EHMT1: variants seen among roughly 807,000 people sequenced by gnomAD.
The protein encoded by EHMT1 is histone-lysine N-methyltransferase EHMT1.
EHMT1 carries 15 observed loss-of-function variants against 147.2 expected under a neutral mutation model. That is an observed-to-expected ratio of 0.10 (90% CI 0.07 to 0.16). The LOEUF is 0.16. Ranked by LOEUF, EHMT1 falls within the 10% of genes least tolerant of loss-of-function variation. EHMT1 has a pLI of 1.00. For synonymous variants in EHMT1, 795 were observed against 709.6 expected (o/e 1.12, Z -1.91); for missense variants, 1,587 against 1,772.4 (o/e 0.90, Z 1.88).
rs1243553011 is a variant in EHMT1, at chr9:137,798,854, A to G, written c.2547A>G (p.Lys849=). The G allele has an allele frequency of 6.2e-7, 1 of 1,614,208 alleles. No homozygotes were observed. ...GSTCLHLAAK[K]GHYEVVQYLL... is the part of the protein sequence containing the mutation. ...CGTGTTTGCACCTGGCTGCCAAGAA[A>G]GGCCACTACGAAGTGGTCCAGTACC... Residue 849 remains lysine, a synonymous_variant, in exon 17 of 27, where the codon AAA becomes AAG. Transcript: ENST00000460843.
chr9:137,718,364 T>A (rs1036799666), intron 3 of EHMT1, among the ~76,000 whole-genome samples: 2 of 152,242 alleles, frequency 1.3e-5, no homozygotes, highest in African/African-American at 2.4e-5. Context: ...AAGTTCTAGG[T>A]TTGTGATCAC....
At position 137,744,090 on chromosome 9, in the gene EHMT1, G is replaced by A. The variant is rs1442452133; in HGVS notation, c.1170G>A (p.Lys390=). 40 of 1,613,898 alleles carry A rather than the reference G, an allele frequency of 2.5e-5. No individual in the cohort carries two copies. The highest frequency in any genetic ancestry group is 3.4e-5 in the Non-Finnish European group (40 of 1,180,048). ...ESMSEADRAQ[K]MDGESEEEQE... Reference sequence around the variant, plus strand: ...TGTCGGAGGCTGATCGCGCCCAGAAGGTATGTGTTGCTGTCTTGGGTGACA... The same window carrying A: ...TGTCGGAGGCTGATCGCGCCCAGAAAGTATGTGTTGCTGTCTTGGGTGACA... The change falls in exon 6 of 27, where the codon AAG becomes AAA. Residue 390 remains lysine, a splice_region_variant and synonymous_variant. Transcript: ENST00000460843.
Position 137,779,737 on chromosome 9 carries a change from C to T in EHMT1, c.2275+20C>T. On this transcript the variant is annotated intron_variant, in intron 14 of 26. Transcript: ENST00000460843. ...TGCTGGGTAAGTGCCTTCCTGCGGCCCGGGCACATGCAGCCGGCCCTGTGG... is the reference window on the plus strand; with the variant it reads ...TGCTGGGTAAGTGCCTTCCTGCGGCTCGGGCACATGCAGCCGGCCCTGTGG... 1 of 1,612,688 alleles carries T rather than the reference C, an allele frequency of 6.2e-7. No individual in the cohort carries two copies. Among genetic ancestry groups the T allele is most frequent in the Non-Finnish European group, 8.5e-7 (1 of 1,179,838 alleles).
intron 15 of EHMT1, chr9:137,789,194 C>T (rs941631709): frequency 1.3e-5 from 2 of 152,480 alleles, no homozygotes; most frequent in Non-Finnish European, 2.9e-5. Context: ...GAGCCCTCCT[C>T]CCCGGGGAAG....
intron 18 of EHMT1, among the ~76,000 whole-genome samples, chr9:137,802,118 A>G (rs1283998610): frequency 2.0e-5 from 3 of 152,228 alleles, no homozygotes; most frequent in Admixed American, 6.5e-5. Context: ...TGATTAACTC[A>G]AAAGGGTGTT....
At chr9:137,672,662 C>T (rs947078022) in intron 1 of EHMT1, among the ~76,000 whole-genome samples, 1 of 152,242 alleles carries the variant, frequency 6.6e-6, no homozygotes, top group South Asian at 2.1e-4. Context: ...CAACCAGTTT[C>T]TGCCTCTCGT....
intron 10 of EHMT1, chr9:137,764,809 C>G (rs1033992456): frequency 6.6e-6 from 1 of 152,212 alleles, no homozygotes; most frequent in African/African-American, 2.4e-5. Flanking sequence ...TCACCCAGAA[C>G]ATTCTCTCTG....
At chr9:137,761,034 A>G (rs1288939348) in intron 9 of EHMT1, among the ~76,000 whole-genome samples, 1 of 152,216 alleles carries the variant, frequency 6.6e-6, no homozygotes, top group Non-Finnish European at 1.5e-5. Context: ...GCACTAAGGC[A>G]CAGTGCAGCT....
intron 10 of EHMT1, among the ~76,000 whole-genome samples, chr9:137,765,180 A>T (rs1204106861): frequency 6.6e-6 from 1 of 152,222 alleles, no homozygotes; most frequent in East Asian, 1.9e-4. Context: ...TTCCTCCTGC[A>T]AGTACAGGCT....
At chr9:137,769,419 G>C (rs1483016428) in intron 10 of EHMT1, among the ~76,000 whole-genome samples, 1 of 152,120 alleles carries the variant, frequency 6.6e-6, no homozygotes, top group African/African-American at 2.4e-5. Context: ...GTAGCACAAG[G>C]CTGCTGATAA....
intron 15 of EHMT1, chr9:137,785,758 A>C (rs916868968): frequency 2.0e-5 from 3 of 151,978 alleles, no homozygotes; most frequent in Non-Finnish European, 2.9e-5. Context: ...AAATCATCCT[A>C]CTCTGGCCCT....
chr9:137,661,247 C>G (rs1939045681), intron 1 of EHMT1, among the ~76,000 whole-genome samples: 1 of 152,162 alleles, frequency 6.6e-6, no homozygotes, highest in Non-Finnish European at 1.5e-5. Context: ...ATCTATCCAT[C>G]TCTCTAGTTT....
intron 1 of EHMT1, chr9:137,619,989 C>G (rs1040956223): frequency 6.6e-6 from 1 of 152,172 alleles, no homozygotes; most frequent in African/African-American, 2.4e-5. Context: ...GTTGAGACTT[C>G]TAAAGCTTAG....
At chr9:137,702,522 G>A (rs905270846) in intron 1 of EHMT1, among the ~76,000 whole-genome samples, 1 of 152,206 alleles carries the variant, frequency 6.6e-6, no homozygotes, top group African/African-American at 2.4e-5. Context: ...ACTGGTGGAA[G>A]GGGTGGGCTC....
chr9:137,770,513 T>C (rs1446928297), intron 10 of EHMT1, among the ~76,000 whole-genome samples: 1 of 152,238 alleles, frequency 6.6e-6, no homozygotes, highest in African/African-American at 2.4e-5. Context: ...ATATTTTTGA[T>C]GTGTTGGGCC....
intron 15 of EHMT1, chr9:137,785,671 A>C (rs775959148): frequency 1.3e-5 from 2 of 152,200 alleles, no homozygotes; most frequent in Non-Finnish European, 2.9e-5. Context: ...TTTTTTAAAT[A>C]TTAAAATTAA....
At chr9:137,730,461 TA>T (rs966096014) in intron 4 of EHMT1, among the ~76,000 whole-genome samples, 7 of 150,310 alleles carry the variant, frequency 4.7e-5, no homozygotes, top group South Asian at 4.2e-4. Context: ...AAAAAAAACT[TA>T]AAAAAAAAAT....
In EHMT1 at chr9:137,814,685, G is replaced by A. The variant is rs533263129; in HGVS notation, c.3258+177G>A. ...AGCGGGCACCAGCACCCGAGTCAGG[G>A]TCGTGAGCCGAGGACATGGCTGCGG... On this transcript the variant is annotated intron_variant, in intron 22 of 26. Transcript: ENST00000460843. The A allele has an allele frequency of 2.7e-5, 19 of 712,628 alleles. No individual in the cohort carries two copies. In the East Asian group the frequency reaches 4.9e-4, roughly 18 times the overall value. The allele number at this position is 712,628 out of a possible 1,614,324, so 44.1% of individuals were successfully genotyped here. A position where few individuals can be genotyped will look rare whatever the true frequency, so the allele number is the denominator to read the frequency against.
chr9:137,741,125 C>T (rs572369922), intron 4 of EHMT1, among the ~76,000 whole-genome samples: 6 of 152,188 alleles, frequency 3.9e-5, no homozygotes, highest in South Asian at 2.1e-4. Context: ...TACAGGCGCC[C>T]GCCACCTTGG....
Sources: allele counts gnomAD v4.1 joint callset (sites outside exome capture counted in the v4.1 genomes callset), GRCh38; gene constraint gnomAD v4.1.1; transcripts MANE v1.5; gene names NCBI Gene and HGNC (gene_info 2026-07-23, HGNC 2026-07-21).